The following KALRN variants were observed in gnomAD, a reference collection of about 807,000 sequenced individuals.
KALRN encodes kalirin RhoGEF kinase.
KALRN carries 70 observed loss-of-function variants against 353.7 expected under a neutral mutation model. The ratio of observed to expected loss-of-function variants is 0.20; its 90% confidence interval spans 0.16 to 0.24. The LOEUF (loss-of-function observed/expected upper bound fraction) is 0.24. Ranked by LOEUF, KALRN falls within the 10% of genes least tolerant of loss-of-function variation. KALRN has a pLI of 1.00. For missense variants in KALRN, 2,791 were observed against 3,756.7 expected (o/e 0.74, Z 6.72); for synonymous variants, 1,391 against 1,434.8 (o/e 0.97, Z 0.69).
chr3:124,127,660 T>C (rs926692591), intron 1 of KALRN, among the ~76,000 whole-genome samples: 4 of 152,242 alleles, frequency 2.6e-5, no homozygotes, highest in African/African-American at 7.2e-5. Context: ...TTATCTTCAG[T>C]GACAAAGTGC....
At chr3:124,630,967 T>C (rs1032731810) in intron 34 of KALRN, among the ~76,000 whole-genome samples, 9 of 152,162 alleles carry the variant, frequency 5.9e-5, no homozygotes, top group African/African-American at 2.2e-4. Flanking sequence ...GCCCCCTCCA[T>C]TCCACTACAG....
chr3:124,221,634 A>G (rs1272329212), intron 1 of KALRN, among the ~76,000 whole-genome samples: 2 of 152,326 alleles, frequency 1.3e-5, no homozygotes, highest in Non-Finnish European at 2.9e-5. Context: ...AGCCAAATCA[A>G]TATGTGTGAT....
chr3:124,114,594 GGT>G (rs2063295050), intron 1 of KALRN, among the ~76,000 whole-genome samples: 1 of 152,188 alleles, frequency 6.6e-6, no homozygotes, highest in South Asian at 2.1e-4. Context: ...ATCCGACACT[GGT>G]GTCCTCACAG....
intron 28 of KALRN, among the ~76,000 whole-genome samples, chr3:124,485,083 G>A (rs1393299454): frequency 6.6e-6 from 1 of 152,164 alleles, no homozygotes; most frequent in Non-Finnish European, 1.5e-5. Flanking sequence ...GCAACAGGGT[G>A]AGACTCCGTC....
intron 42 of KALRN, 100 bp downstream of exon 42, chr3:124,658,617 C>A: frequency 1.2e-6 from 1 of 845,490 alleles, no homozygotes; most frequent in Non-Finnish European, 2.0e-6. Context: ...TATGTGACCC[C>A]CACACAGCAC....
At chr3:124,532,857 T>C (rs1347966787) in intron 33 of KALRN, among the ~76,000 whole-genome samples, 3 of 151,676 alleles carry the variant, frequency 2.0e-5, no homozygotes, top group Non-Finnish European at 2.9e-5. Context: ...GAAAGTAATA[T>C]AAACTGATTT....
chr3:124,400,680 G>A (rs927045123), intron 13 of KALRN, among the ~76,000 whole-genome samples: 1 of 152,124 alleles, frequency 6.6e-6, no homozygotes, highest in Non-Finnish European at 1.5e-5. Flanking sequence ...GAGGGTATGG[G>A]TCATTATTCT....
intron 1 of KALRN, among the ~76,000 whole-genome samples, chr3:124,110,479 A>ACACG (rs2062856780): frequency 6.6e-6 from 1 of 151,456 alleles, no homozygotes; most frequent in Non-Finnish European, 1.5e-5. Flanking sequence ...GCACACACAC[A>ACACG]CACACACACA....
intron 6 of KALRN, among the ~76,000 whole-genome samples, chr3:124,306,037 G>C (rs2077666002): frequency 6.6e-6 from 1 of 152,014 alleles, no homozygotes; most frequent in Non-Finnish European, 1.5e-5. Context: ...TAATTACAAT[G>C]TCCCCATCAA....
chr3:124,554,474 A>G (rs550312036), intron 33 of KALRN, among the ~76,000 whole-genome samples: 10 of 152,300 alleles, frequency 6.6e-5, no homozygotes, highest in African/African-American at 2.4e-4. Context: ...GTCTCATTTC[A>G]GCCATAACAT....
In KALRN at chr3:124,413,674, C is replaced by A. The variant is rs1411225420; in HGVS notation, c.2542+9C>A. The A allele has an allele frequency of 6.2e-7, 1 of 1,609,568 alleles. No individual in the cohort carries two copies. The highest frequency in any genetic ancestry group is 8.5e-7 in the Non-Finnish European group (1 of 1,176,766). On this transcript the variant is annotated intron_variant, in intron 14 of 59. Transcript: ENST00000682506. ...GGAGGTCCAGGCATCAGGTGGGTGA[C>A]CTCGCTCATTCTCCTGGCAGAGGAG...
chr3:124,139,274 TG>T (rs1314605343), intron 1 of KALRN, among the ~76,000 whole-genome samples: 1 of 152,210 alleles, frequency 6.6e-6, no homozygotes, highest in African/African-American at 2.4e-5. Flanking sequence ...AGAGAAAACA[TG>T]CTGAATGGGT....
At chr3:124,084,991 C>T (rs913820837) in intron 1 of KALRN, among the ~76,000 whole-genome samples, 4 of 152,308 alleles carry the variant, frequency 2.6e-5, no homozygotes, top group Non-Finnish European at 4.4e-5. Context: ...TTCTGATAGA[C>T]GTACCATGTA....
At chr3:124,297,619 T>C (rs1191006772) in intron 5 of KALRN, among the ~76,000 whole-genome samples, 1 of 152,244 alleles carries the variant, frequency 6.6e-6, no homozygotes, top group African/African-American at 2.4e-5. Context: ...GGACATGTGA[T>C]GGCTATCTTC....
At chr3:124,435,982 C>A (rs1215205833) in intron 17 of KALRN, among the ~76,000 whole-genome samples, 5 of 152,112 alleles carry the variant, frequency 3.3e-5, no homozygotes, top group African/African-American at 1.2e-4. Flanking sequence ...TCTAAAGCAG[C>A]AGGGATCAAG....
intron 34 of KALRN, among the ~76,000 whole-genome samples, chr3:124,607,580 G>C (rs2077478230): frequency 6.6e-6 from 1 of 152,162 alleles, no homozygotes; most frequent in Admixed American, 6.5e-5. Context: ...GGAAGACATA[G>C]GAGAAAATAA....
intron 23 of KALRN, 142 bp downstream of exon 23, chr3:124,456,870 G>A (rs908220479): frequency 1.8e-6 from 1 of 560,106 alleles, no homozygotes; most frequent in East Asian, 3.3e-5. Flanking sequence ...TTTGCATTGA[G>A]AATATGGGTT....
At chr3:124,668,417 C>T (rs1425746593) in intron 47 of KALRN, among the ~76,000 whole-genome samples, 1 of 152,222 alleles carries the variant, frequency 6.6e-6, no homozygotes, top group Non-Finnish European at 1.5e-5. Context: ...GGTAGATCTA[C>T]TTTGCCCATG....
chr3:124,450,414 T>G (rs1272564687), intron 21 of KALRN, among the ~76,000 whole-genome samples: 2 of 152,194 alleles, frequency 1.3e-5, no homozygotes, highest in Non-Finnish European at 2.9e-5. Context: ...TGAAAGCAAC[T>G]GGAGCCTTAG....
Sources: allele counts gnomAD v4.1 joint callset (sites outside exome capture counted in the v4.1 genomes callset), GRCh38; gene constraint gnomAD v4.1.1; transcripts MANE v1.5; gene names NCBI Gene and HGNC (gene_info 2026-07-23, HGNC 2026-07-21).